Variants in ABCB4 observed in about 807,000 individuals in gnomAD.
ABCB4 encodes ATP binding cassette subfamily B member 4, also known as phosphatidylcholine translocator ABCB4.
ABCB4 carries 76 observed loss-of-function variants against 145.7 expected under a neutral mutation model. The ratio of observed to expected loss-of-function variants is 0.52; its 90% CI spans 0.43 to 0.63. The LOEUF (loss-of-function observed/expected upper bound fraction) is 0.63, where lower values mean the gene tolerates loss of function less well. Ranked by LOEUF, ABCB4 falls within the 30% of genes least tolerant of loss-of-function variation. The probability of loss-of-function intolerance (pLI) is 0.00; values close to 1 mark genes in which losing one functional copy is unlikely to be tolerated. For synonymous variants in ABCB4, 517 were observed against 566.8 expected, an observed-to-expected ratio of 0.91 and a Z score of 1.25; for missense variants, 1,234 against 1,553.1, an observed-to-expected ratio of 0.79 and a Z score of 3.45.
intron 20 of ABCB4, 111 bp from the exon 21 acceptor site, chr7:87,417,626 G>A: frequency 1.2e-6 from 1 of 856,520 alleles, no homozygotes; most frequent in Non-Finnish European, 1.9e-6. Context: ...GAGCTACATT[G>A]GCTTACTTTC....
rs1000391993 is a variant in ABCB4, at chr7:87,433,675, GTT to G, written c.1732-2112_1732-2111del. Among the ~76,000 whole-genome samples, 53 of 100,368 alleles carry G rather than the reference GTT, an allele frequency of 5.3e-4. 1 individual carries two copies. The highest frequency in any genetic ancestry group is 2.1e-3 in the African/African-American group (47 of 22,588). The allele number at this position is 100,368 out of a possible 152,430, so 65.8% of individuals were successfully genotyped here. ...AGCTTTGACACAAAAAATTGTTGTT[GTT>G]TTTTTTTTTTTTTTTTTCAGAGCTC... On this transcript the variant is annotated intron_variant, in intron 14 of 27. Transcript: ENST00000649586.
At chr7:87,369,974 T>C in the ABCB4 span, among the ~76,000 whole-genome samples, 3 of 151,002 alleles carry the variant, frequency 2.0e-5, no homozygotes, top group African/African-American at 7.3e-5. Context: ...ACTTCAACAG[T>C]TACCAACTCC....
chr7:87,467,886 A>G (rs1019637567), intron 3 of ABCB4, among the ~76,000 whole-genome samples: 3 of 152,238 alleles, frequency 2.0e-5, no homozygotes, highest in Non-Finnish European at 2.9e-5. Context: ...TCTGGGACAC[A>G]TTTAAAGCAG....
chr7:87,404,359 G>A (rs1177757578), intron 26 of ABCB4, among the ~76,000 whole-genome samples: 1 of 152,124 alleles, frequency 6.6e-6, no homozygotes, highest in Non-Finnish European at 1.5e-5. Flanking sequence ...CATGTTTAAA[G>A]TGAACTAAAA....
Position 87,404,635 on chromosome 7 carries a change from TAAAC to T in ABCB4, c.3487-1358_3487-1355del, listed in dbSNP as rs532904495. 1.2e-3 allele frequency among the ~76,000 whole-genome samples: 185 copies of T among 152,112 alleles called. 1 individual carries two copies. Among genetic ancestry groups the T allele is most frequent in the African/African-American group, 4.1e-3 (172 of 41,486 alleles). ...ATATCCAACAGTAATTACAATATGT[TAAAC>T]AAACAAACAAAAAAAACTTCTGAAA... is the stretch of plus-strand genomic sequence containing the variant. On this transcript the variant is annotated intron_variant, in intron 26 of 27. Transcript: ENST00000649586.
rs769304314 is a variant in ABCB4, at chr7:87,411,989, A to G, written c.2828T>C (p.Ile943Thr). The change falls in exon 23 of 28, where the codon ATC becomes ACC. Residue 943 changes from isoleucine to threonine, a missense_variant. This residue lies in a region of ABCB4 where 301 missense variants were observed against 389.0 expected (regional missense o/e 0.77). Coordinates refer to ENST00000649586, the MANE Select transcript of ABCB4 (RefSeq NM_000443.4). Reference sequence around the variant, plus strand: ...GGAAAAATACATAAATGCTTGTGAGATACTAAAAGTAATTCCATAGATGTG... The same window carrying G: ...GGAAAAATACATAAATGCTTGTGAGGTACTAAAAGTAATTCCATAGATGTG... Reference protein sequence around the residue: ...KAHIYGITFSISQAFMYFSYA... With the variant: ...KAHIYGITFSTSQAFMYFSYA... 1.9e-6 allele frequency: 3 copies of G among 1,613,822 alleles called. No homozygotes were observed. In the African/African-American group the frequency reaches 4.0e-5, roughly 22 times the overall value.
intron 16 of ABCB4, among the ~76,000 whole-genome samples, chr7:87,426,165 G>C (rs564933481): frequency 3.9e-5 from 6 of 152,298 alleles, no homozygotes; most frequent in African/African-American, 1.4e-4. Context: ...TTGGACCACA[G>C]ATGTGATAGG....
chr7:87,454,426 AG>A (rs1811975125), intron 5 of ABCB4, 108 bp downstream of exon 5: 1 of 885,122 alleles, frequency 1.1e-6, no homozygotes, highest in Admixed American at 2.6e-5. Context: ...TGATAATAAT[AG>A]GTGAATCTGG....
At position 87,447,050 on chromosome 7, in the gene ABCB4, A is replaced by G. The variant is rs1300917607; in HGVS notation, c.989T>C (p.Ile330Thr). ...STLVISKEYT[I>T]GNAMTVFFSI... is the part of the protein sequence containing the mutation. ...ACTACTTACTGTCATTGCATTTCCA[A>G]TAGTATATTCTTTTGATATGACTAG... The change falls in exon 9 of 28, where the codon ATT becomes ACT. Residue 330 changes from isoleucine to threonine, a missense_variant. Ile to Thr is a moderately conservative substitution (Grantham distance 89). This residue lies in a region of ABCB4 where 467 missense variants were observed against 632.8 expected (regional missense o/e 0.74). Coordinates refer to ENST00000649586, the MANE Select transcript of ABCB4 (RefSeq NM_000443.4). 4.3e-6 allele frequency: 7 copies of G among 1,613,246 alleles called. No individual in the cohort carries two copies. Among genetic ancestry groups the G allele is most frequent in the Admixed American group, 1.7e-5 (1 of 59,982 alleles).
chr7:87,409,607 C>T (rs540539984), intron 23 of ABCB4, among the ~76,000 whole-genome samples: 2 of 152,280 alleles, frequency 1.3e-5, no homozygotes, highest in East Asian at 3.9e-4. Flanking sequence ...TCTCGACTTG[C>T]TTTCTGACTT....
At chr7:87,469,881 A>G (rs1345800667) in intron 3 of ABCB4, among the ~76,000 whole-genome samples, 3 of 152,216 alleles carry the variant, frequency 2.0e-5, no homozygotes, top group African/African-American at 7.2e-5. Context: ...TAAAGTTAAT[A>G]TGGAACCAAA....
chr7:87,466,168 GGC>G (rs1343449356), intron 3 of ABCB4, among the ~76,000 whole-genome samples: 2 of 152,112 alleles, frequency 1.3e-5, no homozygotes, highest in Non-Finnish European at 2.9e-5. Context: ...ATAGATGAAT[GGC>G]TAACTAGAAT....
intron 2 of ABCB4, among the ~76,000 whole-genome samples, chr7:87,472,989 C>A (rs527744409): frequency 1.1e-4 from 17 of 152,294 alleles, no homozygotes; most frequent in African/African-American, 3.4e-4. Flanking sequence ...TAAAAAAAAT[C>A]ATGATTTAAA....
At chr7:87,401,388 T>A (rs1807775905), downstream of ABCB4, among the ~76,000 whole-genome samples, 1 of 152,184 alleles carries the variant, frequency 6.6e-6, no homozygotes, top group African/African-American at 2.4e-5. Flanking sequence ...GAAAAACGGA[T>A]TTTCTGGGAA....
At chr7:87,374,762 T>C in the ABCB4 span, among the ~76,000 whole-genome samples, 1 of 152,076 alleles carries the variant, frequency 6.6e-6, no homozygotes, top group Non-Finnish European at 1.5e-5. Context: ...GAGGAGAGTA[T>C]GCAAATCAGT....
chr7:87,427,599 ACTATTAAGATG>A (rs138549399), intron 15 of ABCB4, among the ~76,000 whole-genome samples: 10,657 of 152,148 alleles, frequency 0.07, 387 homozygotes, highest in South Asian at 0.14. Flanking sequence ...TGCTTCCTCC[ACTATTAAGATG>A]TGTCCAACTA....
chr7:87,445,151 G>A (rs1029923981), intron 9 of ABCB4, among the ~76,000 whole-genome samples, 176 bp from the exon 10 acceptor site: 3 of 151,926 alleles, frequency 2.0e-5, no homozygotes, highest in African/African-American at 7.3e-5. Context: ...TTGCCTGAGT[G>A]GGTCTATTTT....
the ABCB4 span, among the ~76,000 whole-genome samples, chr7:87,377,196 A>C: frequency 6.6e-6 from 1 of 152,156 alleles, no homozygotes; most frequent in Non-Finnish European, 1.5e-5. Flanking sequence ...TTTGCATATC[A>C]CATATCAGTG....
rs1012575668 is a variant in ABCB4 at position 87,417,311 on chromosome 7, C to T, written c.2682+1G>A. 2 of 1,613,940 alleles carry T rather than the reference C, an allele frequency of 1.2e-6. No individual in the cohort carries two copies. The highest frequency in any genetic ancestry group is 2.2e-5 in the East Asian group (1 of 44,850). On this transcript the variant is annotated splice_donor_variant, in intron 21 of 27. Transcript: ENST00000649586. LOFTEE classifies it high-confidence loss of function. Reference sequence around the variant, plus strand: ...ACCAATTGAAATCTTATTTGACCTACCTTTCCAGCAGCTTCCAGTTCTTTT... The same window carrying T: ...ACCAATTGAAATCTTATTTGACCTATCTTTCCAGCAGCTTCCAGTTCTTTT...
Sources: gnomAD v4.1 joint callset for allele counts (sites outside exome capture counted in the v4.1 genomes callset) on GRCh38, gnomAD v4.1.1 for gene constraint, gnomAD v4.1.1 regional missense constraint, MANE v1.5 for transcripts, NCBI Gene and HGNC (gene_info 2026-07-23, HGNC 2026-07-21) for gene names.